FASN: variants seen among roughly 807,000 people sequenced by gnomAD.
FASN encodes fatty acid synthase.
In FASN, 50 loss-of-function variants were observed where a neutral mutation model predicts 250.0. The observed-to-expected ratio is 0.20, with a 90% CI of 0.16 to 0.25. FASN has a LOEUF of 0.25. Ranked by LOEUF, FASN falls within the 10% of genes least tolerant of loss-of-function variation. The pLI is 1.00. For synonymous variants in FASN, 1,909 were observed against 1,584.0 expected (o/e 1.21, Z -4.87); for missense variants, 3,031 against 3,498.5 (o/e 0.87, Z 3.37).
At position 82,084,888 on chromosome 17, in the gene FASN, T is replaced by A; in HGVS notation, c.4475A>T (p.Glu1492Val). The change falls in exon 26 of 43, where the codon GAA (glutamate) becomes GTA (valine). Residue 1492 changes from glutamate (E) to valine (V), a missense_variant. Transcript: ENST00000306749. ...GTCTCCCTGCAACACCTTCTGCAGTTCTGCGGAGCCCGGGTCCACCTCCGG... is the reference window on the plus strand; with the variant it reads ...GTCTCCCTGCAACACCTTCTGCAGTACTGCGGAGCCCGGGTCCACCTCCGG... ...HVPEVDPGSA[E>V]LQKVLQGDLV... is the part of the protein sequence containing the mutation. 6.4e-7 allele frequency: 1 copy of A among 1,550,936 alleles called. No homozygotes were observed. Among genetic ancestry groups the A allele is most frequent in the Non-Finnish European group, 8.7e-7 (1 of 1,147,224 alleles).
chr17:82,088,424 A>C lies in FASN; in HGVS notation c.2559T>G (p.Gly853=). 1 of 1,611,876 alleles carries C rather than the reference A, an allele frequency of 6.2e-7. No homozygotes were observed. The highest frequency in any genetic ancestry group is 8.5e-7 in the Non-Finnish European group (1 of 1,179,378). The change falls in exon 16 of 43, where the codon GGT becomes GGG. Residue 853 remains glycine, a synonymous_variant. Coordinates refer to ENST00000306749, the MANE Select transcript of FASN (RefSeq NM_004104.5). ...DVPAAEDFPN[G]SGSPSAAIYN... is the part of the protein sequence containing the mutation. ...AGATGGCGGCTGAGGGGGAACCTGA[A>C]CCGTTGGGGAAGTCCTCGGCGGCCG...
At position 82,090,764 on chromosome 17, in the gene FASN, C is replaced by T. The variant is rs913615485; in HGVS notation, c.1680+118G>A. ...CTCCCGTCCTGCCCCCAGCACAAGG[C>T]TCTGCCTAGCAAAGGGGCTGTCAGG... On this transcript the variant is annotated intron_variant, in intron 10 of 42. Transcript: ENST00000306749. The T allele has an allele frequency of 8.1e-6, 10 of 1,238,878 alleles. No individual in the cohort carries two copies. In the Admixed American group the frequency reaches 9.9e-5, roughly 12 times the overall value. 76.7% of individuals were successfully genotyped at this position (1,238,878 alleles called of 1,614,324 possible).
chr17:82,093,446 G>A (rs895765644), intron 4 of FASN, 27 bp from the exon 5 acceptor site: 30 of 1,590,120 alleles, frequency 1.9e-5, no homozygotes, highest in Non-Finnish European at 2.4e-5. Flanking sequence ...TGCGGCTCAG[G>A]TGGGGCTGTG....
rs2034053945 is a variant in FASN at position 82,084,565 on chromosome 17, G to A, written c.4716C>T (p.Asn1572=). The part of the protein sequence containing the change: ...QLCTVYYASL[N]FRDIMLATGK... Reference sequence around the variant, plus strand: ...CAGTGGCCAGCATGATGTCGCGGAAGTTGAGGGAGGCGTAGTAGACCGTGC... The same window carrying A: ...CAGTGGCCAGCATGATGTCGCGGAAATTGAGGGAGGCGTAGTAGACCGTGC... Residue 1572 remains asparagine (N), a synonymous_variant, in exon 27 of 43, where the codon AAC becomes AAT. Transcript: ENST00000306749. 3.1e-6 allele frequency: 5 copies of A among 1,611,696 alleles called. No homozygotes were observed. The Admixed American group carries it at 6.7e-5, about 22-fold the overall frequency.
chr17:82,091,611 G>T lies in FASN; in HGVS notation c.1103C>A (p.Ala368Glu). 1 of 1,594,178 alleles carries T rather than the reference G, an allele frequency of 6.3e-7. No individual in the cohort carries two copies. The highest frequency in any genetic ancestry group is 2.3e-5 in the East Asian group (1 of 44,102). Residue 368 changes from alanine to glutamate, a missense_variant, in exon 9 of 43, where the codon GCG becomes GAG. Ala to Glu is a moderately radical substitution (Grantham distance 107). Transcript: ENST00000306749. Reference protein sequence around the residue: ...HFHSPNPEIPALLDGRLQVVD... With the variant: ...HFHSPNPEIPELLDGRLQVVD... ...CACCTGCAGCCGCCCATCCAACAGC[G>T]CTGGGATCTCAGGGTTGGGGCTATG...
rs1333166960 is a variant in FASN at position 82,081,753 on chromosome 17, G to A, written c.6254C>T (p.Pro2085Leu). ...TNDTIVSGTL[P>L]QRMASCLEVL... ...CTCCAGGCAGGACGCCATGCGCTGG[G>A]GCAGCGTGCCACTGACGATCGTGTC... The change falls in exon 37 of 43, where the codon CCC (proline) becomes CTC (leucine). Residue 2085 changes from proline (P) to leucine (L), a missense_variant. Physicochemically the swap from Pro to Leu is moderately conservative, Grantham distance 98 (BLOSUM62 -3). Coordinates refer to ENST00000306749, the MANE Select transcript of FASN (RefSeq NM_004104.5). 6.2e-7 allele frequency: 1 copy of A among 1,612,666 alleles called. No homozygotes were observed. The highest frequency in any genetic ancestry group is 1.7e-5 in the Admixed American group (1 of 60,012).
At chr17:82,088,627 C>A (rs774577350) in intron 15 of FASN, 65 bp from the exon 16 acceptor site, 1 of 1,554,734 alleles carries the variant, frequency 6.4e-7, no homozygotes, top group African/African-American at 1.4e-5. Flanking sequence ...GGGTTCAGCC[C>A]ACCCACTGCC....
chr17:82,080,808 A>G lies in FASN; in HGVS notation c.6710T>C (p.Val2237Ala). ...EGPTLMRLNSVQSSERPLFLV... is the reference protein window; with the variant it reads ...EGPTLMRLNSAQSSERPLFLV... ...GAACAGGGGCCGCTCCGAGCTCTGC[A>G]CGGAGTTGAGCCGCATCAGGGTGGG... Residue 2237 changes from valine to alanine, a missense_variant, in exon 39 of 43, where the codon GTG becomes GCG. By Grantham distance (64) the Val-to-Ala change is moderately conservative. Transcript: ENST00000306749. The G allele has an allele frequency of 6.2e-7, 1 of 1,608,714 alleles. No homozygotes were observed. Among genetic ancestry groups the G allele is most frequent in the East Asian group, 2.2e-5 (1 of 44,732 alleles).
rs2034119895 is a variant in FASN, at chr17:82,087,185, G to C, written c.3292C>G (p.His1098Asp). The C allele has an allele frequency of 1.2e-6, 2 of 1,608,214 alleles. No homozygotes were observed. Among genetic ancestry groups the C allele is most frequent in the Non-Finnish European group, 1.7e-6 (2 of 1,178,632 alleles). Residue 1098 changes from histidine (H) to aspartate (D), a missense_variant, in exon 21 of 43, where the codon CAC becomes GAC. By Grantham distance (81) the His-to-Asp change is moderately conservative (BLOSUM62 -1). Transcript: ENST00000306749. Reference protein sequence around the residue: ...VAGGVHISGLHTESAPRRQQE... With the variant: ...VAGGVHISGLDTESAPRRQQE... The stretch of plus-strand genomic sequence containing the variant: ...TGCCGCCGCGGGGCCGACTCAGTGT[G>C]GAGCCCGGAGATGTGGACGCCTCCG...
intron 15 of FASN, 66 bp downstream of exon 15, chr17:82,088,695 C>T: frequency 1.3e-6 from 2 of 1,530,890 alleles, no homozygotes; most frequent in South Asian, 1.1e-5. Context: ...GGCCCGCAGC[C>T]CCGCTCACCC....
At position 82,081,465 on chromosome 17, in the gene FASN, C is replaced by T. The variant is rs548085407; in HGVS notation, c.6407-113G>A. 321 of 1,577,196 alleles carry T rather than the reference C, an allele frequency of 2.0e-4. 5 individuals carry two copies. The South Asian group carries it at 3.4e-3, about 16-fold the overall frequency. ...CTGTGCATCTCCCAAAGCACCACCA[C>T]CACAGTGACACCTGCGCCCGCACCC... On this transcript the variant is annotated intron_variant, in intron 37 of 42. Transcript: ENST00000306749.
At position 82,085,285 on chromosome 17, in the gene FASN, A is replaced by G. The variant is rs754795942; in HGVS notation, c.4240T>C (p.Phe1414Leu). 5.6e-6 allele frequency: 9 copies of G among 1,611,574 alleles called. No homozygotes were observed. The highest frequency in any genetic ancestry group is 2.2e-5 in the East Asian group (1 of 44,830). ...AAGCTGGTATCGTCCACCGGCAGGA[A>G]GATGGGGCTGTCCTGCGGGGTGGGC... Reference protein sequence around the residue: ...RRPTPQDSPIFLPVDDTSFRW... With the variant: ...RRPTPQDSPILLPVDDTSFRW... Residue 1414 changes from phenylalanine (F) to leucine (L), a missense_variant, in exon 24 of 43, where the codon TTC becomes CTC. Physicochemically the swap from Phe to Leu is conservative, Grantham distance 22. Transcript: ENST00000306749.
Position 82,081,789 on chromosome 17 carries a change from A to G in FASN, c.6218T>C (p.Met2073Thr), listed in dbSNP as rs548026005. Residue 2073 changes from methionine to threonine, a missense_variant, in exon 37 of 43, where the codon ATG becomes ACG. Met to Thr is a moderately conservative substitution (Grantham distance 81). Transcript: ENST00000306749. The part of the protein sequence containing the change: ...IGDVGILVET[M>T]STNDTIVSGT... ...ACTGACGATCGTGTCGTTGGTGCTC[A>G]TCGTCTCCACCAAAATGCCCACGTC... is the stretch of plus-strand genomic sequence containing the variant. The G allele has an allele frequency of 7.4e-6, 12 of 1,612,194 alleles. No individual in the cohort carries two copies. The South Asian group carries it at 7.7e-5, about 10-fold the overall frequency.
chr17:82,093,333 G>C lies in FASN; in HGVS notation c.541C>G (p.Pro181Ala). The change falls in exon 5 of 43, where the codon CCT becomes GCT. Residue 181 changes from proline (P) to alanine (A), a missense_variant. Pro to Ala is a conservative substitution (Grantham distance 27). Transcript: ENST00000306749. ...AYQAIHSGQC[P>A]AAIVGGINVL... The stretch of plus-strand genomic sequence containing the variant: ...TTGATGCCCCCCACGATGGCGGCAG[G>C]GCACTGCCCGCTGTGGATGGCCTGG... 1 of 1,602,184 alleles carries C rather than the reference G, an allele frequency of 6.2e-7. No individual in the cohort carries two copies. Among genetic ancestry groups the C allele is most frequent in the Non-Finnish European group, 8.5e-7 (1 of 1,175,798 alleles).
At position 82,093,580 on chromosome 17, in the gene FASN, A is replaced by G; in HGVS notation, c.454+18T>C. The G allele has an allele frequency of 6.2e-7, 1 of 1,612,702 alleles. No homozygotes were observed. Among genetic ancestry groups the G allele is most frequent in the Non-Finnish European group, 8.5e-7 (1 of 1,179,962 alleles). ...CCTGAAGGCCACCCACCTCCGCAGG[A>G]GGCTGGGCAGGACCCACCTCTGAAG... On this transcript the variant is annotated intron_variant, in intron 4 of 42. Coordinates refer to ENST00000306749, the MANE Select transcript of FASN (RefSeq NM_004104.5).
intron 5 of FASN, 53 bp from the exon 6 acceptor site, chr17:82,093,072 C>A: frequency 6.2e-7 from 1 of 1,606,208 alleles, no homozygotes; most frequent in South Asian, 1.1e-5. Flanking sequence ...CGGCCCCCAC[C>A]CCACCAGGAG....
chr17:82,086,142 C>T, intron 22 of FASN, 112 bp downstream of exon 22: 1 of 1,505,558 alleles, frequency 6.6e-7, no homozygotes. Context: ...AACTGGCCGG[C>T]CCCACCCACC....
Position 82,082,571 on chromosome 17 carries a change from C to T in FASN, c.5875G>A (p.Ala1959Thr). 1 of 1,609,506 alleles carries T rather than the reference C, an allele frequency of 6.2e-7. No homozygotes were observed. Among genetic ancestry groups the T allele is most frequent in the Non-Finnish European group, 8.5e-7 (1 of 1,179,852 alleles). The change falls in exon 34 of 43, where the codon GCG becomes ACG. Residue 1959 changes from alanine to threonine, a missense_variant. Physicochemically the swap from Ala to Thr is moderately conservative, Grantham distance 58. Transcript: ENST00000306749. Reference sequence around the variant, plus strand: ...CCGCCCACGGGCCCAAGCTGCGCCGCCTCGGCAATGAGGCCCCGGGCCCCC... The same window carrying T: ...CCGCCCACGGGCCCAAGCTGCGCCGTCTCGGCAATGAGGCCCCGGGCCCCC... ...LEGARGLIAE[A>T]AQLGPVGGVF...
At chr17:82,085,444 C>A (rs749513443) in intron 23 of FASN, 38 bp downstream of exon 23, 1 of 1,595,998 alleles carries the variant, frequency 6.3e-7, no homozygotes, top group Middle Eastern at 1.8e-4. Flanking sequence ...CTGGCCCTCA[C>A]CCGGCCCCCA....
Sources: gnomAD v4.1 joint callset for allele counts on GRCh38, gnomAD v4.1.1 for gene constraint, MANE v1.5 for transcripts, NCBI Gene and HGNC (gene_info 2026-07-23, HGNC 2026-07-21) for gene names.